CACNB1: variants seen among roughly 807,000 people sequenced by gnomAD.
The protein encoded by CACNB1 is calcium voltage-gated channel auxiliary subunit beta 1.
A neutral mutation model predicts 71.6 loss-of-function variants in CACNB1; 29 were observed. The observed-to-expected ratio is 0.40, with a 90% CI of 0.30 to 0.55. The LOEUF is 0.55. Among genes scored for constraint, CACNB1 ranks in the 20% least tolerant of loss-of-function variants. The pLI is 0.38. For missense variants in CACNB1, 623 were observed against 801.8 expected, an observed-to-expected ratio of 0.78 and a Z score of 2.69; for synonymous variants, 300 against 319.6, an observed-to-expected ratio of 0.94 and a Z score of 0.65.
chr17:39,175,387 G>T lies in CACNB1; in HGVS notation c.1603C>A (p.Pro535Thr), dbSNP rs1204093375. The T allele has an allele frequency of 6.2e-7, 1 of 1,614,182 alleles. No homozygotes were observed. Among genetic ancestry groups the T allele is most frequent in the East Asian group, 2.2e-5 (1 of 44,876 alleles). The change falls in exon 14 of 14, where the codon CCT becomes ACT. Residue 535 changes from proline to threonine, a missense_variant. Transcript: ENST00000394303. This position sits in a 1 kb window ranked among gnomAD's most constrained non-coding sequence, Gnocchi z 4.7. Reference protein sequence around the residue: ...DPSEGPGLGDPAGGGTPPARQ... With the variant: ...DPSEGPGLGDTAGGGTPPARQ... ...GCTGGGGGCGTGCCGCCCCCTGCAG[G>T]GTCTCCAAGCCCTGGCCCCTCTGAG...
chr17:39,191,392 C>T, intron 3 of CACNB1, 82 bp downstream of exon 3: 2 of 1,419,348 alleles, frequency 1.4e-6, no homozygotes, highest in Non-Finnish European at 1.9e-6. Context: ...CAAGACTTGG[C>T]CCTGGTTCTG....
intron 1 of CACNB1, among the ~76,000 whole-genome samples, chr17:39,196,845 T>C (rs2046210697): frequency 6.6e-6 from 1 of 151,390 alleles, no homozygotes; most frequent in Non-Finnish European, 1.5e-5. Flanking sequence ...AGGTCCGACA[T>C]AGAGATGGAG....
Position 39,175,279 on chromosome 17 carries a change from G to A in CACNB1, c.1711C>T (p.Arg571Cys). The A allele has an allele frequency of 1.9e-6, 3 of 1,614,132 alleles. No individual in the cohort carries two copies. Among genetic ancestry groups the A allele is most frequent in the East Asian group, 2.2e-5 (1 of 44,872 alleles). The change falls in exon 14 of 14, where the codon CGC becomes TGC. Residue 571 changes from arginine to cysteine, a missense_variant. By Grantham distance (180) the Arg-to-Cys change is radical. Coordinates refer to ENST00000394303, the MANE Select transcript of CACNB1 (RefSeq NM_000723.5). The surrounding 1 kb of genome is among the most constrained non-coding windows in gnomAD (Gnocchi z 4.7). ...DNRNRGRNKA[R>C]YCAEGGGPVL... is the part of the protein sequence containing the mutation. ...GGACCCCCACCCTCAGCGCAGTAGC[G>A]GGCCTTATTCCGGCCCCGGTTCCGG...
Position 39,184,907 on chromosome 17 carries a change from A to T in CACNB1, c.649-43T>A, listed in dbSNP as rs547671454. 26 of 1,341,916 alleles carry T rather than the reference A, an allele frequency of 1.9e-5. No homozygotes were observed. The African/African-American group carries it at 2.6e-4, about 13-fold the overall frequency. The allele number at this position is 1,341,916 out of a possible 1,614,324, so 83.1% of individuals were successfully genotyped here. A position where few individuals can be genotyped will look rare whatever the true frequency, so the allele number is the denominator to read the frequency against. The stretch of plus-strand genomic sequence containing the variant: ...GAGGGGAAACCCCAGAGTGGAGATG[A>T]CATTAGATCCTCTCCCCCAGACTCC... On this transcript the variant is annotated intron_variant, in intron 7 of 13. Transcript: ENST00000394303.
chr17:39,178,281 CTGGTGT>C (rs1419662044), intron 11 of CACNB1: 1 of 495,676 alleles, frequency 2.0e-6, no homozygotes, highest in Non-Finnish European at 3.6e-6. Context: ...AGGCTCTCTC[CTGGTGT>C]TATGCCAGCC....
At position 39,186,712 on chromosome 17, in the gene CACNB1, G is replaced by C; in HGVS notation, c.551+81C>G. On this transcript the variant is annotated intron_variant, in intron 5 of 13. Coordinates refer to ENST00000394303, the MANE Select transcript of CACNB1 (RefSeq NM_000723.5). This position sits in a 1 kb window ranked among gnomAD's most constrained non-coding sequence, Gnocchi z 4.1. ...GCAGCTCTGTGCCCTCAGGGCCAGGGACAACCATTGAGGCCTAGTCCAGGC... is the reference window on the plus strand; with the variant it reads ...GCAGCTCTGTGCCCTCAGGGCCAGGCACAACCATTGAGGCCTAGTCCAGGC... 6.3e-7 allele frequency: 1 copy of C among 1,576,430 alleles called. No homozygotes were observed. The highest frequency in any genetic ancestry group is 8.7e-7 in the Non-Finnish European group (1 of 1,150,570).
In CACNB1 at chr17:39,194,921, G is replaced by A. The variant is rs1338484321; in HGVS notation, c.134C>T (p.Thr45Met). ...GCTGTTGGATGTGGTATCCGAGGACGTGCTCCCATCTGACCGTTTGAATCG... is the reference window on the plus strand; with the variant it reads ...GCTGTTGGATGTGGTATCCGAGGACATGCTCCCATCTGACCGTTTGAATCG... ...KGRFKRSDGSTSSDTTSNSFV... is the reference protein window; with the variant it reads ...KGRFKRSDGSMSSDTTSNSFV... Residue 45 changes from threonine (T) to methionine (M), a missense_variant, in exon 2 of 14, where the codon ACG becomes ATG. Coordinates refer to ENST00000394303, the MANE Select transcript of CACNB1 (RefSeq NM_000723.5). This position sits in a 1 kb window ranked among gnomAD's most constrained non-coding sequence, Gnocchi z 4.6. The A allele has an allele frequency of 3.1e-6, 5 of 1,613,276 alleles. No individual in the cohort carries two copies. Among genetic ancestry groups the A allele is most frequent in the South Asian group, 2.2e-5 (2 of 91,026 alleles).
intron 3 of CACNB1, among the ~76,000 whole-genome samples, chr17:39,191,040 T>C (rs1195215577): frequency 6.6e-6 from 1 of 151,482 alleles, no homozygotes; most frequent in Non-Finnish European, 1.5e-5. Context: ...CCGTCTCTAC[T>C]AAAAATACAA....
At chr17:39,181,917 C>T (rs191147951) in intron 11 of CACNB1, among the ~76,000 whole-genome samples, 29 of 152,178 alleles carry the variant, frequency 1.9e-4, no homozygotes, top group African/African-American at 6.7e-4. Context: ...AATCCTAGAA[C>T]TTTGGGAGGC....
In CACNB1 at chr17:39,186,074, A is replaced by G. The variant is rs1365020387; in HGVS notation, c.628+422T>C. 2 of 1,614,042 alleles carry G rather than the reference A, an allele frequency of 1.2e-6. No homozygotes were observed. The highest frequency in any genetic ancestry group is 2.2e-5 in the East Asian group (1 of 44,884). On this transcript the variant is annotated intron_variant, in intron 6 of 13. Transcript: ENST00000394303. This position sits in a 1 kb window ranked among gnomAD's most constrained non-coding sequence, Gnocchi z 4.1. The stretch of plus-strand genomic sequence containing the variant: ...TTCCTCCTCTAACTCTAGGGGGTCT[A>G]GTTCAAAGGCTAAGTTAGTCATTTC...
chr17:39,183,167 C>T (rs1465938272), intron 11 of CACNB1, among the ~76,000 whole-genome samples: 3 of 152,148 alleles, frequency 2.0e-5, no homozygotes, highest in African/African-American at 7.2e-5. Flanking sequence ...AATCCCATCT[C>T]TAAAAAATAA....
intron 4 of CACNB1, 156 bp downstream of exon 4, chr17:39,187,323 T>C: frequency 3.6e-6 from 3 of 840,924 alleles, no homozygotes; most frequent in Non-Finnish European, 5.5e-6. Flanking sequence ...ATTTTTCCAG[T>C]AGAAAATTAA....
chr17:39,191,852 G>C, intron 2 of CACNB1: 1 of 479,476 alleles, frequency 2.1e-6, no homozygotes, highest in Non-Finnish European at 3.6e-6. Context: ...CAGCTGCTTG[G>C]GGCCCAGGGA....
chr17:39,183,368 G>GAAGAAGAAGAAGAAGAAGA (rs1433401577), intron 11 of CACNB1, among the ~76,000 whole-genome samples: 15 of 143,736 alleles, frequency 1.0e-4, no homozygotes, highest in Non-Finnish European at 2.2e-4. Context: ...GAAGAAGAAA[G>GAAGAAGAAGAAGAAGAAGA]GAAAGACCTC....
intron 4 of CACNB1, chr17:39,187,138 C>T (rs1057262270): frequency 6.5e-6 from 4 of 614,738 alleles, no homozygotes; most frequent in Non-Finnish European, 8.5e-6. Flanking sequence ...CCATGGACCA[C>T]CCTGCCACCG....
chr17:39,188,416 A>G (rs905639636), intron 3 of CACNB1, among the ~76,000 whole-genome samples: 1 of 152,150 alleles, frequency 6.6e-6, no homozygotes, highest in Non-Finnish European at 1.5e-5. Flanking sequence ...CGCTACTAAA[A>G]ATACAAAAAT....
chr17:39,186,143 A>G lies in CACNB1; in HGVS notation c.628+353T>C. The stretch of plus-strand genomic sequence containing the variant: ...TCAGGAGAGAGGGAGGAGGGAGGCG[A>G]GGTGGGGAGAAGGAGTGAGATGAAC... On this transcript the variant is annotated intron_variant, in intron 6 of 13. Transcript: ENST00000394303. The surrounding 1 kb of genome is among the most constrained non-coding windows in gnomAD (Gnocchi z 4.1). 1 of 1,584,366 alleles carries G rather than the reference A, an allele frequency of 6.3e-7. No individual in the cohort carries two copies. The highest frequency in any genetic ancestry group is 8.7e-7 in the Non-Finnish European group (1 of 1,155,202).
At chr17:39,181,342 C>T (rs929006439) in intron 11 of CACNB1, among the ~76,000 whole-genome samples, 4 of 152,312 alleles carry the variant, frequency 2.6e-5, no homozygotes, top group African/African-American at 9.6e-5. Context: ...AATCCGCCGG[C>T]CTCGGGCTCC....
intron 3 of CACNB1, among the ~76,000 whole-genome samples, 199 bp downstream of exon 3, chr17:39,191,275 C>CTTATTAT (rs2046073119): frequency 6.6e-6 from 1 of 151,504 alleles, no homozygotes; most frequent in Non-Finnish European, 1.5e-5. Flanking sequence ...TAATAACACG[C>CTTATTAT]ACTTATTATA....
Sources: gnomAD v4.1 joint callset for allele counts (sites outside exome capture counted in the v4.1 genomes callset) on GRCh38, gnomAD v4.1.1 for gene constraint, Gnocchi (gnomAD v3.1) non-coding constraint, MANE v1.5 for transcripts, NCBI Gene and HGNC (gene_info 2026-07-23, HGNC 2026-07-21) for gene names.